Variants in KIAA1958 observed in about 807,000 individuals in gnomAD.
KIAA1958 encodes uncharacterized protein KIAA1958.
A neutral mutation model predicts 47.2 loss-of-function variants in KIAA1958; 14 were observed. That is an observed-to-expected ratio of 0.30 (90% CI 0.20 to 0.46). The LOEUF (loss-of-function observed/expected upper bound fraction) is 0.46. KIAA1958 is among the 20% of genes least tolerant of loss of function. The probability of loss-of-function intolerance (pLI) is 1.00; values close to 1 mark genes in which losing one functional copy is unlikely to be tolerated. For synonymous variants in KIAA1958, 354 were observed against 353.3 expected (o/e 1.00, Z -0.02); for missense variants, 803 against 909.2 (o/e 0.88, Z 1.50).
chr9:112,549,834 G>A (rs1434629031), intron 1 of KIAA1958, among the ~76,000 whole-genome samples: 1 of 152,212 alleles, frequency 6.6e-6, no homozygotes, highest in Admixed American at 6.5e-5. Context: ...CTAGTGGGTA[G>A]AGATGCTGCA....
chr9:112,563,083 C>CTATA (rs763563196), intron 1 of KIAA1958, among the ~76,000 whole-genome samples: 3,579 of 63,180 alleles, frequency 0.057, 67 homozygotes, highest in African/African-American at 0.13. Context: ...CTCTCTCTCT[C>CTATA]TCTATATATA....
At position 112,669,214 on chromosome 9, in the gene KIAA1958, G is replaced by A. The variant is rs1011688788; in HGVS notation, c.*9145G>A. The A allele has an allele frequency of 4.6e-5, 7 of 151,728 alleles. No individual in the cohort carries two copies. Among genetic ancestry groups the A allele is most frequent in the Admixed American group, 3.3e-4 (5 of 15,270 alleles). 9.4% of individuals were successfully genotyped at this position (151,728 alleles called of 1,614,324 possible). A position where few individuals can be genotyped will look rare whatever the true frequency, so the allele number is the denominator to read the frequency against. ...TTTCTGTCCTAGAGTGTCAGCGTTG[G>A]AAGGGATTTTTTTTTGTTCCTCCAG... On this transcript the variant is annotated 3_prime_UTR_variant, in exon 4 of 4. Coordinates refer to ENST00000337530, the MANE Select transcript of KIAA1958 (RefSeq NM_133465.4).
chr9:112,508,588 C>G (rs972106572), intron 1 of KIAA1958, among the ~76,000 whole-genome samples: 1 of 152,184 alleles, frequency 6.6e-6, no homozygotes, highest in Non-Finnish European at 1.5e-5. Context: ...TAATTGAGCC[C>G]TTTTGCACAC....
Position 112,668,582 on chromosome 9 carries a change from A to T in KIAA1958, c.*8513A>T, listed in dbSNP as rs1324597728. 6.6e-6 allele frequency: 1 copy of T among 152,190 alleles called. No homozygotes were observed. Among genetic ancestry groups the T allele is most frequent in the Non-Finnish European group, 1.5e-5 (1 of 68,036 alleles). The allele number at this position is 152,190 out of a possible 1,614,324, so 9.4% of individuals were successfully genotyped here. A position where few individuals can be genotyped will look rare whatever the true frequency, so the allele number is the denominator to read the frequency against. On this transcript the variant is annotated 3_prime_UTR_variant, in exon 4 of 4. Transcript: ENST00000337530. ...TTGAAAACACACAGGAGTGTAGAGT[A>T]TCGTCAGCTCTGATGCTCAGTTTCT...
intron 2 of KIAA1958, among the ~76,000 whole-genome samples, chr9:112,593,772 G>A (rs375677419): frequency 6.6e-6 from 1 of 152,048 alleles, no homozygotes; most frequent in African/African-American, 2.4e-5. Context: ...CAGAAACTAA[G>A]GGCTTCAGAT....
intron 1 of KIAA1958, among the ~76,000 whole-genome samples, chr9:112,506,420 C>T (rs1834236078): frequency 6.6e-6 from 1 of 152,210 alleles, no homozygotes; most frequent in South Asian, 2.1e-4. Flanking sequence ...CACGCCACTA[C>T]ACTCTAGCCT....
chr9:112,554,861 G>C (rs1295266786), intron 1 of KIAA1958, among the ~76,000 whole-genome samples: 1 of 152,148 alleles, frequency 6.6e-6, no homozygotes, highest in African/African-American at 2.4e-5. Flanking sequence ...CACTGTTACA[G>C]TGTGTGCATT....
Position 112,660,227 on chromosome 9 carries a change from C to T in KIAA1958, c.*158C>T. 1.6e-6 allele frequency: 1 copy of T among 618,816 alleles called. No homozygotes were observed. The highest frequency in any genetic ancestry group is 2.8e-6 in the Non-Finnish European group (1 of 352,496). The allele number at this position is 618,816 out of a possible 1,614,324, so 38.3% of individuals were successfully genotyped here. A position where few individuals can be genotyped will look rare whatever the true frequency, so the allele number is the denominator to read the frequency against. ...TGCCCTCCCTTTGACTTGGGGTTTG[C>T]TTTTTAAAATGAAACTAGATGAGTC... On this transcript the variant is annotated 3_prime_UTR_variant, in exon 4 of 4. Coordinates refer to ENST00000337530, the MANE Select transcript of KIAA1958 (RefSeq NM_133465.4).
At position 112,645,152 on chromosome 9, in the gene KIAA1958, T is replaced by A. The variant is rs563026089; in HGVS notation, c.1172-498T>A. On this transcript the variant is annotated intron_variant, in intron 2 of 3. Transcript: ENST00000337530. ...CTTTGTCTCAAAAAAAAAAAAAAAA[T>A]GCTAACACCATTTAATTCAAGGCTG... Among the ~76,000 whole-genome samples, 96 of 145,240 alleles carry A rather than the reference T, an allele frequency of 6.6e-4. 1 individual carries two copies. Among genetic ancestry groups the A allele is most frequent in the African/African-American group, 2.2e-3 (89 of 39,662 alleles).
Position 112,604,340 on chromosome 9 carries a change from A to G in KIAA1958, c.1171+29089A>G, listed in dbSNP as rs187436545. The stretch of plus-strand genomic sequence containing the variant: ...TCCTGAGACCCCTCTCCAGGTCACA[A>G]ATCTCTTAGAAGTCATTAACCTAAA... On this transcript the variant is annotated intron_variant, in intron 2 of 3. Transcript: ENST00000337530. Among the ~76,000 whole-genome samples, 264 of 152,308 alleles carry G rather than the reference A, an allele frequency of 1.7e-3. 3 individuals carry two copies. Among genetic ancestry groups the G allele is most frequent in the Non-Finnish European group, 1.0e-3 (69 of 68,028 alleles).
Position 112,660,093 on chromosome 9 carries a change from G to T in KIAA1958, c.*24G>T, listed in dbSNP as rs772404706. ...GAGCCCCCACTGGGGCCCGGCCACTGCCCTGTCACCTGCTCGGGCCAGCCA... is the reference window on the plus strand; with the variant it reads ...GAGCCCCCACTGGGGCCCGGCCACTTCCCTGTCACCTGCTCGGGCCAGCCA... On this transcript the variant is annotated 3_prime_UTR_variant, in exon 4 of 4. Transcript: ENST00000337530. The T allele has an allele frequency of 6.2e-6, 10 of 1,601,756 alleles. No homozygotes were observed. The highest frequency in any genetic ancestry group is 7.7e-6 in the Non-Finnish European group (9 of 1,173,670).
In KIAA1958 at chr9:112,667,326, A is replaced by G. The variant is rs1837363110; in HGVS notation, c.*7257A>G. The G allele has an allele frequency of 6.6e-6, 1 of 152,212 alleles. No homozygotes were observed. Among genetic ancestry groups the G allele is most frequent in the Non-Finnish European group, 1.5e-5 (1 of 68,054 alleles). The allele number at this position is 152,212 out of a possible 1,614,324, so 9.4% of individuals were successfully genotyped here. On this transcript the variant is annotated 3_prime_UTR_variant, in exon 4 of 4. Transcript: ENST00000337530. Reference sequence around the variant, plus strand: ...GCGCGGTGGCTCACGCCTATAATCCAAGCACTTTGGGATGCCGAGGCAGGC... The same window carrying G: ...GCGCGGTGGCTCACGCCTATAATCCGAGCACTTTGGGATGCCGAGGCAGGC...
At chr9:112,535,822 C>G (rs1030078641) in intron 1 of KIAA1958, among the ~76,000 whole-genome samples, 2 of 151,946 alleles carry the variant, frequency 1.3e-5, no homozygotes, top group African/African-American at 4.8e-5. Context: ...TTTGCACTTT[C>G]CTGATGATTA....
At chr9:112,490,231 T>C (rs1340908200) in intron 1 of KIAA1958, among the ~76,000 whole-genome samples, 1 of 152,212 alleles carries the variant, frequency 6.6e-6, no homozygotes, top group Non-Finnish European at 1.5e-5. Context: ...AAGCTGAAGA[T>C]TGGAGAGAAG....
At position 112,659,473 on chromosome 9, in the gene KIAA1958, A is replaced by G; in HGVS notation, c.1555A>G (p.Lys519Glu). ...KLKEKLWVLSKAGMSGARSRN... is the reference protein window; with the variant it reads ...KLKEKLWVLSEAGMSGARSRN... ...CAAGGAGAAGCTGTGGGTGCTGAGT[A>G]AGGCAGGCATGTCGGGCGCGCGTTC... Residue 519 changes from lysine (K) to glutamate (E), a missense_variant, in exon 4 of 4, where the codon AAG becomes GAG. Lys to Glu is a moderately conservative substitution (Grantham distance 56, BLOSUM62 1). This residue lies in a region of KIAA1958 where 761 missense variants were observed against 829.3 expected (regional missense o/e 0.92). Transcript: ENST00000337530. The G allele has an allele frequency of 6.2e-7, 1 of 1,613,852 alleles. No homozygotes were observed. The highest frequency in any genetic ancestry group is 2.2e-5 in the East Asian group (1 of 44,880).
intron 1 of KIAA1958, among the ~76,000 whole-genome samples, chr9:112,572,953 GC>G (rs1211300812): frequency 5.9e-5 from 9 of 152,202 alleles, no homozygotes; most frequent in Non-Finnish European, 1.3e-4. Flanking sequence ...TGACTGCAGA[GC>G]ACCAGCGGGG....
At chr9:112,544,543 G>A (rs1296836007) in intron 1 of KIAA1958, among the ~76,000 whole-genome samples, 1 of 95,974 alleles carries the variant, frequency 1.0e-5, no homozygotes, top group Non-Finnish European at 2.1e-5. Context: ...GATTGGTGAA[G>A]GGACTTGCTC....
chr9:112,638,211 A>C (rs1836837871), intron 2 of KIAA1958, among the ~76,000 whole-genome samples: 1 of 152,196 alleles, frequency 6.6e-6, no homozygotes, highest in Non-Finnish European at 1.5e-5. Context: ...GTTGAAAAAG[A>C]AAAATAAAGA....
chr9:112,652,974 A>C (rs17813944), intron 3 of KIAA1958, among the ~76,000 whole-genome samples: 9,405 of 152,252 alleles, frequency 0.062, 370 homozygotes, highest in Middle Eastern at 0.099. Flanking sequence ...GTATGTGTTA[A>C]AGACCCAGTC....
Sources: gnomAD v4.1 joint callset for allele counts (sites outside exome capture counted in the v4.1 genomes callset) on GRCh38, gnomAD v4.1.1 for gene constraint, gnomAD v4.1.1 regional missense constraint, MANE v1.5 for transcripts, NCBI Gene and HGNC (gene_info 2026-07-23, HGNC 2026-07-21) for gene names.